Variants in PARD3B observed in about 807,000 individuals in gnomAD.
PARD3B encodes the protein partitioning defective 3 homolog B.
Under a neutral mutation model 130.2 loss-of-function variants are expected in PARD3B, and 103 were observed. The observed-to-expected ratio is 0.79, with a 90% CI of 0.67 to 0.93. The LOEUF (loss-of-function observed/expected upper bound fraction) is 0.93. Among genes scored for constraint, PARD3B ranks in the 40% least tolerant of loss-of-function variants. The pLI is 0.00. For missense variants in PARD3B, 1,609 were observed against 1,499.2 expected (o/e 1.07, Z -1.21); for synonymous variants, 583 against 553.2 (o/e 1.05, Z -0.76).
chr2:205,077,495 G>C (rs748526230), intron 4 of PARD3B, among the ~76,000 whole-genome samples: 4 of 152,142 alleles, frequency 2.6e-5, no homozygotes, highest in Non-Finnish European at 5.9e-5. Context: ...AGTTTCTCTT[G>C]ATGCATGCGT....
intron 1 of PARD3B, among the ~76,000 whole-genome samples, chr2:204,650,383 A>AAT (rs2125167550): frequency 6.6e-6 from 1 of 152,268 alleles, no homozygotes; most frequent in Admixed American, 6.5e-5. Flanking sequence ...TCAACCCAGC[A>AAT]ATCTCATTAC....
chr2:205,510,070 G>A (rs937135857), intron 21 of PARD3B, among the ~76,000 whole-genome samples: 3 of 152,178 alleles, frequency 2.0e-5, no homozygotes, highest in Non-Finnish European at 4.4e-5. Context: ...TAGCACAGGA[G>A]ACTCTGAAGC....
intron 1 of PARD3B, among the ~76,000 whole-genome samples, chr2:204,633,657 C>G (rs770830667): frequency 6.6e-6 from 1 of 151,976 alleles, no homozygotes; most frequent in Non-Finnish European, 1.5e-5. Context: ...ACTAAAAATA[C>G]AAAATTTAGC....
Position 204,726,631 on chromosome 2 carries a change from C to T in PARD3B, c.222+40349C>T, listed in dbSNP as rs113345295. ...ACAATGACCTTGAGATGGGATTCAA[C>T]TTTCTCAGTTCCTTACCTTATTGTA... On this transcript the variant is annotated intron_variant, in intron 2 of 22. Coordinates refer to ENST00000406610, the MANE Select transcript of PARD3B (RefSeq NM_001302769.2). Among the ~76,000 whole-genome samples, 673 of 152,256 alleles carry T rather than the reference C, an allele frequency of 4.4e-3. 8 individuals are homozygous for T. The highest frequency in any genetic ancestry group is 0.015 in the African/African-American group (638 of 41,544).
intron 3 of PARD3B, among the ~76,000 whole-genome samples, chr2:204,990,217 G>A (rs923383828): frequency 6.6e-6 from 1 of 151,004 alleles, no homozygotes; most frequent in African/African-American, 2.4e-5. Flanking sequence ...TAAGATTTTT[G>A]ACAATTTTTT....
chr2:204,622,055 T>C (rs1189325198), intron 1 of PARD3B, among the ~76,000 whole-genome samples: 1 of 152,198 alleles, frequency 6.6e-6, no homozygotes, highest in Non-Finnish European at 1.5e-5. Flanking sequence ...GCTTCACATG[T>C]ACAGTGACAG....
At chr2:204,896,158 G>T (rs915489299) in intron 2 of PARD3B, among the ~76,000 whole-genome samples, 1 of 152,136 alleles carries the variant, frequency 6.6e-6, no homozygotes, top group African/African-American at 2.4e-5. Context: ...TTCTGCAAAT[G>T]CTAGCTATTA....
chr2:204,829,065 T>C (rs941185759), intron 2 of PARD3B, among the ~76,000 whole-genome samples: 16 of 152,248 alleles, frequency 1.1e-4, no homozygotes, highest in South Asian at 2.1e-4. Context: ...AACTGTTTCA[T>C]TGAAGTTTGG....
chr2:204,913,657 G>A (rs2047332604), intron 2 of PARD3B, among the ~76,000 whole-genome samples: 1 of 152,098 alleles, frequency 6.6e-6, no homozygotes, highest in African/African-American at 2.4e-5. Context: ...GCAATACCTT[G>A]TAAAAATCAT....
intron 2 of PARD3B, among the ~76,000 whole-genome samples, chr2:204,784,902 CT>C (rs1191646942): frequency 3.9e-5 from 6 of 152,182 alleles, no homozygotes; most frequent in African/African-American, 1.4e-4. Context: ...TCAAGGTCTA[CT>C]TTGACAAAAG....
At chr2:205,127,132 C>T (rs754781610) in intron 10 of PARD3B, among the ~76,000 whole-genome samples, 1 of 151,492 alleles carries the variant, frequency 6.6e-6, no homozygotes, top group Non-Finnish European at 1.5e-5. Flanking sequence ...CCCGTCTCTA[C>T]TAAAAAATAC....
intron 4 of PARD3B, among the ~76,000 whole-genome samples, chr2:205,059,451 T>C (rs1229647366): frequency 1.3e-5 from 2 of 152,018 alleles, no homozygotes; most frequent in African/African-American, 4.8e-5. Context: ...TTGTCTCCCT[T>C]TCTGCTAATG....
intron 2 of PARD3B, among the ~76,000 whole-genome samples, chr2:204,833,301 A>G (rs555273269): frequency 6.6e-6 from 1 of 152,236 alleles, no homozygotes; most frequent in South Asian, 2.1e-4. Context: ...TTCTCACACC[A>G]TTGAAAAAAA....
Position 204,696,152 on chromosome 2 carries a change from G to A in PARD3B, c.222+9870G>A, listed in dbSNP as rs566998557. 2.0e-5 allele frequency among the ~76,000 whole-genome samples: 3 copies of A among 151,988 alleles called. No homozygotes were observed. In the South Asian group the frequency reaches 6.2e-4, roughly 32 times the overall value. On this transcript the variant is annotated intron_variant, in intron 2 of 22. Coordinates refer to ENST00000406610, the MANE Select transcript of PARD3B (RefSeq NM_001302769.2). ...GTGCTTTGAAACAATAGGGAGTATCGGGGGAGGTATCTCTATCTTAGGTTA... is the reference window on the plus strand; with the variant it reads ...GTGCTTTGAAACAATAGGGAGTATCAGGGGAGGTATCTCTATCTTAGGTTA...
In PARD3B at chr2:205,383,117, T is replaced by TAGATAGATAGATAGATAGAG. The variant is rs367894218; in HGVS notation, c.2631-17877_2631-17876insGAGATAGATAGATAGATAGA. On this transcript the variant is annotated intron_variant, in intron 18 of 22. Transcript: ENST00000406610. ...ATAGATAGATAGATAGATAGATAGATAGATAGATAGATAGATAGATAGATC... is the reference window on the plus strand; with the variant it reads ...ATAGATAGATAGATAGATAGATAGATAGATAGATAGATAGATAGAGAGATAGATAGATAGATAGATAGATC... Among the ~76,000 whole-genome samples, 1,412 of 149,838 alleles carry TAGATAGATAGATAGATAGAG rather than the reference T, an allele frequency of 9.4e-3. 15 individuals carry two copies. Among genetic ancestry groups the TAGATAGATAGATAGATAGAG allele is most frequent in the Non-Finnish European group, 0.014 (931 of 67,304 alleles).
At chr2:204,911,487 A>G (rs184236394) in intron 2 of PARD3B, among the ~76,000 whole-genome samples, 20 of 152,228 alleles carry the variant, frequency 1.3e-4, no homozygotes, top group African/African-American at 4.6e-4. Context: ...AAGCTCATCA[A>G]ACATCTTCAA....
intron 16 of PARD3B, among the ~76,000 whole-genome samples, chr2:205,261,924 T>TGG (rs1345331604): frequency 6.6e-6 from 1 of 152,136 alleles, no homozygotes; most frequent in East Asian, 1.9e-4. Flanking sequence ...TGACCACACT[T>TGG]GAAGAGTAGT....
chr2:205,099,708 T>C (rs1438611100), intron 4 of PARD3B, among the ~76,000 whole-genome samples: 2 of 152,188 alleles, frequency 1.3e-5, no homozygotes, highest in East Asian at 1.9e-4. Flanking sequence ...TATGTCCTTA[T>C]AGGATGCCCT....
intron 15 of PARD3B, among the ~76,000 whole-genome samples, chr2:205,223,329 T>G (rs1286077173): frequency 6.6e-6 from 1 of 152,148 alleles, no homozygotes; most frequent in Non-Finnish European, 1.5e-5. Flanking sequence ...AAGTGATGTT[T>G]AGCATGGATG....
Sources: allele counts gnomAD v4.1 joint callset (sites outside exome capture counted in the v4.1 genomes callset), GRCh38; gene constraint gnomAD v4.1.1; transcripts MANE v1.5; gene names NCBI Gene and HGNC (gene_info 2026-07-23, HGNC 2026-07-21).